The following RIPOR2 variants were observed in gnomAD, a reference collection of about 807,000 sequenced individuals.
The protein encoded by RIPOR2 is RHO family interacting cell polarization regulator 2.
Under a neutral mutation model 114.5 loss-of-function variants are expected in RIPOR2, and 39 were observed. The observed-to-expected ratio is 0.34, with a 90% confidence interval of 0.26 to 0.44. RIPOR2 has a LOEUF of 0.44. Ranked by LOEUF, RIPOR2 falls within the 20% of genes least tolerant of loss-of-function variation. The pLI is 1.00. For missense variants in RIPOR2, 1,007 were observed against 1,255.1 expected (o/e 0.80, Z 2.99); for synonymous variants, 445 against 484.4 (o/e 0.92, Z 1.07).
chr6:24,842,545 C>G (rs1761827766), intron 13 of RIPOR2, among the ~76,000 whole-genome samples: 1 of 152,186 alleles, frequency 6.6e-6, no homozygotes, highest in Non-Finnish European at 1.5e-5. Context: ...CCAGTAACGC[C>G]TGTGAGACTG....
chr6:25,020,235 T>C (rs975158232), intron 1 of RIPOR2, among the ~76,000 whole-genome samples: 1 of 152,166 alleles, frequency 6.6e-6, no homozygotes, highest in Non-Finnish European at 1.5e-5. Context: ...AAGTAGAATG[T>C]CTCCTTATGT....
At chr6:24,840,653 G>A (rs778338367) in intron 13 of RIPOR2, 10 of 1,532,690 alleles carry the variant, frequency 6.5e-6, no homozygotes, top group Non-Finnish European at 8.7e-6. Context: ...ACTCAAGATG[G>A]CACAAAAGCA....
intron 1 of RIPOR2, among the ~76,000 whole-genome samples, chr6:25,014,348 T>C (rs1181396500): frequency 6.6e-6 from 1 of 152,206 alleles, no homozygotes; most frequent in Non-Finnish European, 1.5e-5. Context: ...TCCTGTAGCC[T>C]TTTCTACCTC....
chr6:25,004,725 A>C (rs1255668463), intron 1 of RIPOR2, among the ~76,000 whole-genome samples: 1 of 152,128 alleles, frequency 6.6e-6, no homozygotes, highest in East Asian at 1.9e-4. Flanking sequence ...TTTGGAGAGA[A>C]GCCATGCCAT....
At chr6:25,038,571 AG>A (rs1561860442) in intron 1 of RIPOR2, among the ~76,000 whole-genome samples, 1 of 152,236 alleles carries the variant, frequency 6.6e-6, no homozygotes, top group African/African-American at 2.4e-5. Flanking sequence ...CATGTGGCAG[AG>A]AACAATGGGT....
intron 14 of RIPOR2, 100 bp downstream of exon 14, chr6:24,838,991 C>A: frequency 1.0e-6 from 1 of 1,002,000 alleles, no homozygotes; most frequent in South Asian, 1.8e-5. Context: ...AGAGTTTTAT[C>A]TTCCTGGAAA....
At chr6:25,009,435 T>C (rs1403379196) in intron 1 of RIPOR2, among the ~76,000 whole-genome samples, 1 of 152,212 alleles carries the variant, frequency 6.6e-6, no homozygotes, top group Non-Finnish European at 1.5e-5. Context: ...CTGAAGTCCA[T>C]ATTCCTCCAG....
intron 7 of RIPOR2, 102 bp from the exon 8 acceptor site, chr6:24,861,138 G>C: frequency 1.4e-6 from 1 of 722,742 alleles, no homozygotes; most frequent in Admixed American, 2.3e-5. Flanking sequence ...TGAACAACGA[G>C]AAGCATTTAC....
At chr6:24,806,944 T>C (rs577647420) in intron 21 of RIPOR2, among the ~76,000 whole-genome samples, 2 of 152,364 alleles carry the variant, frequency 1.3e-5, no homozygotes, top group African/African-American at 4.8e-5. Flanking sequence ...CTTTTTACTA[T>C]GTAAACATAC....
At chr6:24,927,774 T>G (rs911830712) in intron 1 of RIPOR2, among the ~76,000 whole-genome samples, 6 of 152,234 alleles carry the variant, frequency 3.9e-5, no homozygotes, top group African/African-American at 1.4e-4. Flanking sequence ...AGGGGTTAGG[T>G]AATTTGCCTA....
In RIPOR2 at chr6:24,873,355, T is replaced by C. The variant is rs1416585460; in HGVS notation, c.344+289A>G. On this transcript the variant is annotated intron_variant, in intron 3 of 21. Coordinates refer to ENST00000643898, the MANE Select transcript of RIPOR2 (RefSeq NM_001286445.3). The stretch of plus-strand genomic sequence containing the variant: ...CAATCCCTGTAAGATATCAGGGAGG[T>C]TTCAGAACCCTCCTTCAGCAATGTC... Among the ~76,000 whole-genome samples, 2 of 152,108 alleles carry C rather than the reference T, an allele frequency of 1.3e-5. 1 individual carries two copies. Among genetic ancestry groups the C allele is most frequent in the Non-Finnish European group, 2.9e-5 (2 of 68,008 alleles).
At chr6:24,976,933 C>A in intron 1 of RIPOR2, 1 of 1,571,900 alleles carries the variant, frequency 6.4e-7, no homozygotes, top group South Asian at 1.1e-5. Context: ...CCAGGAATGG[C>A]AAGACCAGCA....
At chr6:24,886,581 T>C (rs1766854560) in intron 1 of RIPOR2, among the ~76,000 whole-genome samples, 1 of 152,250 alleles carries the variant, frequency 6.6e-6, no homozygotes, top group Admixed American at 6.5e-5. Flanking sequence ...TTTTGTACAC[T>C]GGCCCTTACT....
chr6:24,844,718 C>A (rs1278465261), intron 12 of RIPOR2, among the ~76,000 whole-genome samples: 1 of 152,036 alleles, frequency 6.6e-6, no homozygotes, highest in African/African-American at 2.4e-5. Context: ...CTCAGGTGAT[C>A]CGCCTGCCTC....
intron 1 of RIPOR2, chr6:24,976,842 AG>A: frequency 6.2e-6 from 10 of 1,610,452 alleles, no homozygotes; most frequent in Non-Finnish European, 8.5e-6. Context: ...GCCAAGACTG[AG>A]TGGTTGGATG....
chr6:24,892,683 A>T (rs746823650), intron 1 of RIPOR2, among the ~76,000 whole-genome samples: 22 of 152,130 alleles, frequency 1.4e-4, no homozygotes, highest in Non-Finnish European at 2.6e-4. Context: ...CAGGCAACAG[A>T]TCTTCTCTGG....
chr6:24,945,548 CTG>C (rs1772362916), intron 1 of RIPOR2, among the ~76,000 whole-genome samples: 1 of 152,102 alleles, frequency 6.6e-6, no homozygotes, highest in African/African-American at 2.4e-5. Context: ...AATTATACAT[CTG>C]TGTTGACGGG....
At chr6:24,846,301 CTTT>C (rs1233193249) in intron 12 of RIPOR2, among the ~76,000 whole-genome samples, 1 of 91,716 alleles carries the variant, frequency 1.1e-5, no homozygotes, top group Admixed American at 1.5e-4. Flanking sequence ...TTTCACCTGC[CTTT>C]TTTTTTTTTT....
At chr6:25,010,359 C>G (rs1775726629) in intron 1 of RIPOR2, among the ~76,000 whole-genome samples, 2 of 152,128 alleles carry the variant, frequency 1.3e-5, no homozygotes, top group South Asian at 2.1e-4. Flanking sequence ...CTCTACAGAG[C>G]TGGCACCCCT....
Sources: allele counts gnomAD v4.1 joint callset (sites outside exome capture counted in the v4.1 genomes callset), GRCh38; gene constraint gnomAD v4.1.1; transcripts MANE v1.5; gene names NCBI Gene and HGNC (gene_info 2026-07-23, HGNC 2026-07-21).